Variants in SMPD3 observed in about 807,000 individuals in gnomAD.
SMPD3 encodes sphingomyelin phosphodiesterase 3, also known as nSMase-2.
Under a neutral mutation model 55.7 loss-of-function variants are expected in SMPD3, and 21 were observed. That is an observed-to-expected ratio of 0.38 (90% confidence interval 0.27 to 0.54). The LOEUF is 0.54. Among genes scored for constraint, SMPD3 ranks in the 20% least tolerant of loss-of-function variants. The pLI, the probability that SMPD3 is intolerant of heterozygous loss-of-function variation, is 0.80. For missense variants in SMPD3, 842 were observed against 899.6 expected (o/e 0.94, Z 0.82); for synonymous variants, 457 against 404.3 (o/e 1.13, Z -1.56).
rs746643498 is a variant in SMPD3, at chr16:68,371,362, C to T, written c.820G>A (p.Gly274Ser). The stretch of plus-strand genomic sequence containing the variant: ...TGGTTGGGCGTCTGGCCCCTTGGGC[C>T]CCCGCCAGCTCCGTTCCTGGCCTGG... ...GGQARNGAGG[G>S]PRGQTPNHNQ... Residue 274 changes from glycine to serine, a missense_variant, in exon 3 of 9, where the codon GGC becomes AGC. Transcript: ENST00000219334. 2.5e-6 allele frequency: 4 copies of T among 1,576,914 alleles called. No homozygotes were observed. The highest frequency in any genetic ancestry group is 3.5e-5 in the Admixed American group (2 of 56,408).
rs1473062549 is a variant in SMPD3, at chr16:68,361,252, G to A, written c.1922C>T (p.Pro641Leu). Reference protein sequence around the residue: ...TQLSGLTDHLPVAMRLMVSSG... With the variant: ...TQLSGLTDHLLVAMRLMVSSG... ...AGACACCATCAGTCGCATGGCTACT[G>A]GCAGGTGGTCCGTCAGGCCGGACAG... The change falls in exon 9 of 9, where the codon CCA becomes CTA. Residue 641 changes from proline (P) to leucine (L), a missense_variant. Pro to Leu is a moderately conservative substitution (Grantham distance 98). Transcript: ENST00000219334. 6.2e-7 allele frequency: 1 copy of A among 1,613,312 alleles called. No individual in the cohort carries two copies. The highest frequency in any genetic ancestry group is 8.5e-7 in the Non-Finnish European group (1 of 1,179,794).
rs1460939593 is a variant in SMPD3, at chr16:68,371,885, C to T, written c.297G>A (p.Arg99=). Residue 99 remains arginine, a synonymous_variant, in exon 3 of 9, where the codon CGG becomes CGA. Transcript: ENST00000219334. ...CACCGGCCAGGCCCTTGTCTTCCAG[C>T]CGTGAATAGATGTAGGGCCGGCGGG... The part of the protein sequence containing the change: ...QSARRPYIYS[R]LEDKGLAGGA... The T allele has an allele frequency of 1.9e-6, 3 of 1,609,906 alleles. No individual in the cohort carries two copies. Among genetic ancestry groups the T allele is most frequent in the South Asian group, 2.2e-5 (2 of 90,144 alleles).
At chr16:68,362,372 C>T (rs955121084) in intron 7 of SMPD3, among the ~76,000 whole-genome samples, 7 of 152,234 alleles carry the variant, frequency 4.6e-5, no homozygotes, top group Middle Eastern at 3.2e-3. Context: ...AGGGGATCCA[C>T]AGGGAGGGCA....
intron 3 of SMPD3, among the ~76,000 whole-genome samples, chr16:68,365,888 C>T (rs1033324739): frequency 6.6e-6 from 1 of 152,194 alleles, no homozygotes; most frequent in Non-Finnish European, 1.5e-5. Context: ...TTCATAACTG[C>T]CCTACCCCAG....
intron 2 of SMPD3, among the ~76,000 whole-genome samples, chr16:68,384,125 C>G (rs550527273): frequency 1.9e-4 from 29 of 152,300 alleles, no homozygotes; most frequent in African/African-American, 6.3e-4. Context: ...TATCTGGTGG[C>G]CTGATTCCTC....
intron 8 of SMPD3, 28 bp from the exon 9 acceptor site, chr16:68,361,335 A>AGCCTGGTCAGATTCCAAGGGCATCT: frequency 6.3e-7 from 1 of 1,590,446 alleles, no homozygotes. Flanking sequence ...GGGGAGAAAC[A>AGCCTGGTCAGATTCCAAGGGCATCT]GCCTGGTCAG....
intron 1 of SMPD3, among the ~76,000 whole-genome samples, chr16:68,412,976 T>C (rs369150467): frequency 2.6e-4 from 39 of 152,338 alleles, no homozygotes; most frequent in African/African-American, 8.4e-4. Flanking sequence ...GTAACTATTA[T>C]CTATGTCATT....
chr16:68,433,367 C>G (rs1008543992), intron 1 of SMPD3, among the ~76,000 whole-genome samples: 16 of 152,226 alleles, frequency 1.1e-4, no homozygotes, highest in Non-Finnish European at 4.4e-5. Flanking sequence ...GCACATCTAC[C>G]TGCATCTGTC....
chr16:68,438,120 G>A (rs2090538105), intron 1 of SMPD3, among the ~76,000 whole-genome samples: 1 of 152,232 alleles, frequency 6.6e-6, no homozygotes, highest in South Asian at 2.1e-4. Flanking sequence ...ACTATTGCCT[G>A]CCTCCCAGTG....
intron 2 of SMPD3, among the ~76,000 whole-genome samples, chr16:68,376,131 CATTA>C (rs947805877): frequency 5.9e-5 from 9 of 152,116 alleles, no homozygotes; most frequent in Non-Finnish European, 1.3e-4. Flanking sequence ...AGCAACAACA[CATTA>C]ATTAGTCTGA....
rs1036616104 is a variant in SMPD3 at position 68,447,677 on chromosome 16, C to T, written c.-269+676G>A. ...GGAGGGGTCTCCCAGCGTTTCCCTG[C>T]CACATTCCAATTCCACCCTTCACCA... On this transcript the variant is annotated intron_variant, in intron 1 of 8. Transcript: ENST00000219334. This position sits in a 1 kb window ranked among gnomAD's most constrained non-coding sequence, Gnocchi z 5.1. Among the ~76,000 whole-genome samples the T allele has an allele frequency of 6.6e-6, 1 of 152,042 alleles. No homozygotes were observed. Among genetic ancestry groups the T allele is most frequent in the African/African-American group, 2.4e-5 (1 of 41,374 alleles).
chr16:68,426,533 T>C (rs2090437517), intron 1 of SMPD3, among the ~76,000 whole-genome samples: 1 of 152,152 alleles, frequency 6.6e-6, no homozygotes, highest in South Asian at 2.1e-4. Flanking sequence ...TTGATGAAAG[T>C]TGCCAGGGGG....
intron 1 of SMPD3, among the ~76,000 whole-genome samples, chr16:68,411,976 A>T (rs922559318): frequency 3.3e-5 from 5 of 152,074 alleles, no homozygotes. Context: ...CTTTTGAGAC[A>T]TGGTGGCTGG....
intron 3 of SMPD3, among the ~76,000 whole-genome samples, chr16:68,365,669 GGAT>G (rs1257855265): frequency 2.0e-5 from 3 of 152,104 alleles, no homozygotes; most frequent in Admixed American, 6.5e-5. Flanking sequence ...CACCCGTCTT[GGAT>G]GAGAGCTCCC....
At chr16:68,416,015 C>T (rs1469062928) in intron 1 of SMPD3, among the ~76,000 whole-genome samples, 2 of 152,182 alleles carry the variant, frequency 1.3e-5, no homozygotes, top group Non-Finnish European at 2.9e-5. Flanking sequence ...AAGAGTTCAT[C>T]ACATCAGATT....
chr16:68,438,697 C>T (rs760495738), intron 1 of SMPD3, among the ~76,000 whole-genome samples: 1 of 152,190 alleles, frequency 6.6e-6, no homozygotes, highest in Non-Finnish European at 1.5e-5. Context: ...TGCCTTCCTT[C>T]CCCATCCCAC....
In SMPD3 at chr16:68,448,443, GGCGGCGGCCGCAGCGGCGGCGGC is replaced by G. The variant is rs1399024743; in HGVS notation, c.-382_-360del. 1 of 152,260 alleles carries G rather than the reference GGCGGCGGCCGCAGCGGCGGCGGC, an allele frequency of 6.6e-6. No homozygotes were observed. Among genetic ancestry groups the G allele is most frequent in the Non-Finnish European group, 1.5e-5 (1 of 68,160 alleles). 9.4% of individuals were successfully genotyped at this position (152,260 alleles called of 1,614,324 possible). A position where few individuals can be genotyped will look rare whatever the true frequency, so the allele number is the denominator to read the frequency against. On this transcript the variant is annotated 5_prime_UTR_variant, in exon 1 of 9. Transcript: ENST00000219334. ...AGCCCGGGCTCCCGGCCGCAGATCT[GGCGGCGGCCGCAGCGGCGGCGGC>G]TCTCGCGGCTCTCGGGTCCGGAGCC...
At chr16:68,383,591 T>C (rs554393870) in intron 2 of SMPD3, among the ~76,000 whole-genome samples, 7 of 152,142 alleles carry the variant, frequency 4.6e-5, no homozygotes, top group Non-Finnish European at 4.4e-5. Context: ...TCAGGGCCCT[T>C]GGAGGATCCC....
intron 1 of SMPD3, among the ~76,000 whole-genome samples, chr16:68,397,437 T>C (rs969517716): frequency 1.3e-5 from 2 of 152,208 alleles, no homozygotes. Flanking sequence ...GCTGTGGGGC[T>C]GAGGGATGAT....
Sources: allele counts gnomAD v4.1 joint callset (sites outside exome capture counted in the v4.1 genomes callset), GRCh38; gene constraint gnomAD v4.1.1; non-coding constraint Gnocchi (gnomAD v3.1); transcripts MANE v1.5; gene names NCBI Gene and HGNC (gene_info 2026-07-23, HGNC 2026-07-21).